PBX3: variants seen among roughly 807,000 people sequenced by gnomAD.
PBX3 encodes the protein pre-B-cell leukemia transcription factor 3.
A neutral mutation model predicts 48.5 loss-of-function variants in PBX3; 14 were observed. That is an observed-to-expected ratio of 0.29 (90% CI 0.19 to 0.45). The LOEUF (loss-of-function observed/expected upper bound fraction) is 0.45. Among genes scored for constraint, PBX3 ranks in the 20% least tolerant of loss-of-function variants. The pLI is 1.00. For synonymous variants in PBX3, 210 were observed against 200.3 expected, an observed-to-expected ratio of 1.05 and a Z score of -0.41; for missense variants, 386 against 546.7, an observed-to-expected ratio of 0.71 and a Z score of 2.93.
chr9:125,832,425 T>G (rs143256096), intron 2 of PBX3, among the ~76,000 whole-genome samples: 9,014 of 152,098 alleles, frequency 0.059, 609 homozygotes, highest in East Asian at 0.17. Flanking sequence ...TCGATCTCCT[T>G]ACCTCGTGAT....
chr9:125,773,803 G>A (rs1489985610), intron 2 of PBX3, among the ~76,000 whole-genome samples: 2 of 152,040 alleles, frequency 1.3e-5, no homozygotes, highest in East Asian at 1.9e-4. Context: ...ATTCAATACA[G>A]CAGTGTATAT....
intron 4 of PBX3, among the ~76,000 whole-genome samples, chr9:125,934,752 C>T (rs1032327513): frequency 8.6e-5 from 13 of 152,004 alleles, no homozygotes; most frequent in Non-Finnish European, 1.3e-4. Flanking sequence ...TCCTCCCATT[C>T]AATACATCAT....
rs573021768 is a variant in PBX3, at chr9:125,817,991, A to G, written c.274+69368A>G. Among the ~76,000 whole-genome samples the G allele has an allele frequency of 4.3e-4, 65 of 152,290 alleles. 1 individual carries two copies. Among genetic ancestry groups the G allele is most frequent in the African/African-American group, 1.5e-3 (61 of 41,568 alleles). ...GCCGAGGCGGACGGATCACGAGGTC[A>G]GGAGATCGAGACCAGACTGGCCAAC... On this transcript the variant is annotated intron_variant, in intron 2 of 8. Coordinates refer to ENST00000373489, the MANE Select transcript of PBX3 (RefSeq NM_006195.6).
At chr9:125,952,236 A>G (rs550616204) in intron 5 of PBX3, among the ~76,000 whole-genome samples, 3 of 152,358 alleles carry the variant, frequency 2.0e-5, no homozygotes, top group Non-Finnish European at 4.4e-5. Context: ...ATAAATTTTC[A>G]GTTTGTTAAT....
intron 3 of PBX3, among the ~76,000 whole-genome samples, chr9:125,922,265 A>G (rs1380856472): frequency 6.6e-6 from 1 of 152,214 alleles, no homozygotes; most frequent in Non-Finnish European, 1.5e-5. Flanking sequence ...AATGGGAAAG[A>G]CAAAGACTCA....
chr9:125,791,066 C>CA (rs1338913089), intron 2 of PBX3, among the ~76,000 whole-genome samples: 2 of 152,092 alleles, frequency 1.3e-5, no homozygotes, highest in Non-Finnish European at 2.9e-5. Flanking sequence ...AGGTGCCTGC[C>CA]ACTACGCCTG....
chr9:125,872,764 A>C (rs1403549425), intron 2 of PBX3, among the ~76,000 whole-genome samples: 2 of 151,540 alleles, frequency 1.3e-5, no homozygotes, highest in Non-Finnish European at 2.9e-5. Flanking sequence ...CGTCTCAAAA[A>C]AAGAAATAAA....
intron 2 of PBX3, among the ~76,000 whole-genome samples, chr9:125,821,119 G>A (rs745537281): frequency 2.0e-5 from 3 of 152,048 alleles, no homozygotes; most frequent in Non-Finnish European, 4.4e-5. Flanking sequence ...TCCTGAAGAG[G>A]TAAAATCACT....
At chr9:125,775,793 TG>T (rs1402711339) in intron 2 of PBX3, among the ~76,000 whole-genome samples, 1 of 152,226 alleles carries the variant, frequency 6.6e-6, no homozygotes, top group East Asian at 1.9e-4. Context: ...TGATAGGAGT[TG>T]CATTGAATTT....
intron 5 of PBX3, among the ~76,000 whole-genome samples, chr9:125,959,371 A>AGTAT (rs963666286): frequency 2.0e-5 from 3 of 152,192 alleles, no homozygotes; most frequent in Non-Finnish European, 4.4e-5. Flanking sequence ...GTCCTCGGCA[A>AGTAT]GTATGCCTGC....
rs562963729 is a variant in PBX3, at chr9:125,946,957, A to C, written c.843+11350A>C. Among the ~76,000 whole-genome samples, 17 of 152,348 alleles carry C rather than the reference A, an allele frequency of 1.1e-4. No individual in the cohort carries two copies. The East Asian group carries it at 3.3e-3, about 29-fold the overall frequency. Reference sequence around the variant, plus strand: ...TAGAGGGAAAAGTAAGTCTGCCTCCAATAAAACAACAATTCAATGACCACT... The same window carrying C: ...TAGAGGGAAAAGTAAGTCTGCCTCCCATAAAACAACAATTCAATGACCACT... On this transcript the variant is annotated intron_variant, in intron 5 of 8. Transcript: ENST00000373489.
intron 2 of PBX3, among the ~76,000 whole-genome samples, chr9:125,908,179 A>G (rs990952559): frequency 1.3e-5 from 2 of 152,152 alleles, no homozygotes; most frequent in East Asian, 3.9e-4. Flanking sequence ...AACATCTTGT[A>G]TTGTGAACTG....
At chr9:125,846,668 A>T (rs185374799) in intron 2 of PBX3, among the ~76,000 whole-genome samples, 181 of 152,162 alleles carry the variant, frequency 1.2e-3, no homozygotes, top group Non-Finnish European at 2.1e-3. Context: ...CTACATTTTA[A>T]AAAGTAAATC....
chr9:125,802,359 A>ATTTTTTTTTTTTTT (rs57805307), intron 2 of PBX3, among the ~76,000 whole-genome samples: 1 of 67,718 alleles, frequency 1.5e-5, no homozygotes, highest in Non-Finnish European at 2.7e-5. Context: ...ACATTAGTGC[A>ATTTTTTTTTTTTTT]TTTTTTTTTT....
chr9:125,899,188 AGAT>A (rs1364824857), intron 2 of PBX3, among the ~76,000 whole-genome samples: 5 of 144,554 alleles, frequency 3.5e-5, no homozygotes, highest in Non-Finnish European at 6.0e-5. Context: ...CACATTCTTT[AGAT>A]GATATATATA....
intron 2 of PBX3, chr9:125,749,223 T>G (rs951680431): frequency 6.6e-6 from 1 of 152,362 alleles, no homozygotes; most frequent in Non-Finnish European, 1.5e-5. Flanking sequence ...CACTTGTAAC[T>G]GTGCTTAATA....
chr9:125,830,839 A>G (rs1838939800), intron 2 of PBX3, among the ~76,000 whole-genome samples: 1 of 152,008 alleles, frequency 6.6e-6, no homozygotes, highest in Non-Finnish European at 1.5e-5. Context: ...ATTCTAAGTC[A>G]TTGTGGTTTT....
At chr9:125,785,887 A>G (rs1219837843) in intron 2 of PBX3, among the ~76,000 whole-genome samples, 1 of 151,976 alleles carries the variant, frequency 6.6e-6, no homozygotes, top group Non-Finnish European at 1.5e-5. Context: ...GAGATGATAC[A>G]AGGGAAAGTA....
Position 125,962,152 on chromosome 9 carries a change from A to G in PBX3, c.1060A>G (p.Met354Val), listed in dbSNP as rs1842444118. 3.1e-6 allele frequency: 5 copies of G among 1,613,406 alleles called. No homozygotes were observed. Among genetic ancestry groups the G allele is most frequent in the African/African-American group, 1.3e-5 (1 of 74,920 alleles). Reference sequence around the variant, plus strand: ...AAATTCTGGGGACATGTTCATGAACATGCAGAGTCTGAATGGGGATTCTTA... The same window carrying G: ...AAATTCTGGGGACATGTTCATGAACGTGCAGAGTCTGAATGGGGATTCTTA... The part of the protein sequence containing the change: ...LPNSGDMFMN[M>V]QSLNGDSYQG... Residue 354 changes from methionine (M) to valine (V), a missense_variant, in exon 7 of 9, where the codon ATG becomes GTG. By Grantham distance (21) the Met-to-Val change is conservative. Around this residue, in one of 4 missense-constraint regions of PBX3, gnomAD observed 127 missense variants for 143.3 expected, o/e 0.89. Coordinates refer to ENST00000373489, the MANE Select transcript of PBX3 (RefSeq NM_006195.6).
Sources: gnomAD v4.1 joint callset for allele counts (sites outside exome capture counted in the v4.1 genomes callset) on GRCh38, gnomAD v4.1.1 for gene constraint, gnomAD v4.1.1 regional missense constraint, MANE v1.5 for transcripts, NCBI Gene and HGNC (gene_info 2026-07-23, HGNC 2026-07-21) for gene names.